HNRNPK: variants seen among roughly 807,000 people sequenced by gnomAD.
HNRNPK encodes dC-stretch binding protein.
Under a neutral mutation model 67.0 loss-of-function variants are expected in HNRNPK, and 7 were observed. The observed-to-expected ratio is 0.10, with a 90% CI of 0.06 to 0.20. The LOEUF is 0.20. HNRNPK is among the 10% of genes least tolerant of loss of function. HNRNPK has a pLI of 1.00. For synonymous variants in HNRNPK, 213 were observed against 193.7 expected, an observed-to-expected ratio of 1.10 and a Z score of -0.83; for missense variants, 264 against 606.5, an observed-to-expected ratio of 0.44 and a Z score of 5.93.
In HNRNPK at chr9:83,969,454, GAAAA is replaced by G. The variant is rs749772524; in HGVS notation, c.1362-18_1362-15del. On this transcript the variant is annotated splice_polypyrimidine_tract_variant and intron_variant, in intron 16 of 16. Coordinates refer to ENST00000376263, the MANE Select transcript of HNRNPK (RefSeq NM_031263.4). ...TACTGCTTCACACTATAAAAGAAAA[GAAAA>G]AAAAGTGCGAATTAGAATTTTTGCT... 1.3e-6 allele frequency: 2 copies of G among 1,548,166 alleles called. No homozygotes were observed. Among genetic ancestry groups the G allele is most frequent in the African/African-American group, 1.4e-5 (1 of 71,876 alleles).
chr9:83,977,821 G>A lies in HNRNPK; in HGVS notation c.59-35C>T, dbSNP rs370492810. On this transcript the variant is annotated intron_variant, in intron 3 of 16. Coordinates refer to ENST00000376263, the MANE Select transcript of HNRNPK (RefSeq NM_031263.4). The stretch of plus-strand genomic sequence containing the variant: ...AACAGTTCACATTTCAAAGAAAGCA[G>A]CGAAGTCTCCAAAGTAACTCCATTC... 9.8e-6 allele frequency: 13 copies of A among 1,321,376 alleles called. No homozygotes were observed. In the African/African-American group the frequency reaches 1.7e-4, roughly 18 times the overall value. 81.9% of individuals were successfully genotyped at this position (1,321,376 alleles called of 1,614,324 possible).
intron 4 of HNRNPK, among the ~76,000 whole-genome samples, chr9:83,977,281 G>A (rs1407791753): frequency 6.6e-6 from 1 of 152,184 alleles, no homozygotes; most frequent in Non-Finnish European, 1.5e-5. Flanking sequence ...ATAACACCAA[G>A]TATAAAATAA....
intron 10 of HNRNPK, chr9:83,972,415 C>G (rs1004617381): frequency 1.9e-6 from 1 of 538,776 alleles, no homozygotes; most frequent in Non-Finnish European, 3.3e-6. Context: ...ATTGCCTATA[C>G]AGGGAGAAGT....
chr9:83,974,932 A>G (rs766886777), intron 6 of HNRNPK, among the ~76,000 whole-genome samples: 1 of 152,224 alleles, frequency 6.6e-6, no homozygotes, highest in Admixed American at 6.5e-5. Flanking sequence ...TTACATTGGT[A>G]AAACTGGCAC....
rs774149530 is a variant in HNRNPK at position 83,971,681 on chromosome 9, G to A, written c.999C>T (p.Tyr333=). 1.7e-5 allele frequency: 27 copies of A among 1,613,450 alleles called. No homozygotes were observed. The highest frequency in any genetic ancestry group is 6.7e-5 in the East Asian group (3 of 44,888). The change falls in exon 12 of 17, where the codon TAC becomes TAT. Residue 333 remains tyrosine, a synonymous_variant. Transcript: ENST00000376263. ...YDRRGRPGDR[Y]DGMVGFSADE... The stretch of plus-strand genomic sequence containing the variant: ...AAACCAAAGTTCTTACCATGCCGTC[G>A]TAACGGTCTCCAGGTCTCCCTCTTC...
chr9:83,972,233 G>GTCCT, intron 10 of HNRNPK, 44 bp from the exon 11 acceptor site: 2 of 1,413,704 alleles, frequency 1.4e-6, no homozygotes, highest in Non-Finnish European at 1.9e-6. Context: ...AAGAAAAAGA[G>GTCCT]TCCTGCTTCA....
rs1428747827 is a variant in HNRNPK, at chr9:83,971,743, T to C, written c.954-17A>G. ...ATGAGGTCTCTGCAAGCATAGTACT[T>C]GTTGTAATCTAAACGTGCTTACATG... is the stretch of plus-strand genomic sequence containing the variant. On this transcript the variant is annotated splice_polypyrimidine_tract_variant and intron_variant, in intron 11 of 16. Transcript: ENST00000376263. The C allele has an allele frequency of 1.2e-6, 2 of 1,611,884 alleles. No individual in the cohort carries two copies. Among genetic ancestry groups the C allele is most frequent in the Non-Finnish European group, 1.7e-6 (2 of 1,178,138 alleles).
At position 83,978,382 on chromosome 9, in the gene HNRNPK, T is replaced by A; in HGVS notation, c.-37A>T. 1.4e-6 allele frequency: 2 copies of A among 1,478,752 alleles called. No homozygotes were observed. The highest frequency in any genetic ancestry group is 1.8e-6 in the Non-Finnish European group (2 of 1,122,450). 91.6% of individuals were successfully genotyped at this position (1,478,752 alleles called of 1,614,324 possible). A position where few individuals can be genotyped will look rare whatever the true frequency, so the allele number is the denominator to read the frequency against. ...TGCTTCTAGAACGTACCAGTTATTA[T>A]ATATCCTTGCAGAGCAGAACTGAAG... On this transcript the variant is annotated 5_prime_UTR_variant, in exon 2 of 17. Transcript: ENST00000376263.
rs1956868764 is a variant in HNRNPK, at chr9:83,972,004, T to C, written c.831A>G (p.Arg277=). The C allele has an allele frequency of 1.2e-6, 2 of 1,613,640 alleles. No individual in the cohort carries two copies. The highest frequency in any genetic ancestry group is 2.7e-5 in the African/African-American group (2 of 74,878). The change falls in exon 11 of 17, where the codon AGA becomes AGG. Residue 277 remains arginine (R), a synonymous_variant. Coordinates refer to ENST00000376263, the MANE Select transcript of HNRNPK (RefSeq NM_031263.4). ...GAGGGCTCATATCATCATAATCTCT[T>C]CTAGATGGAGGCATGGGACGCCCAC... ...GRGGRPMPPS[R]RDYDDMSPRR...
intron 5 of HNRNPK, among the ~76,000 whole-genome samples, chr9:83,976,152 CA>C (rs1368670921): frequency 2.0e-5 from 3 of 152,142 alleles, no homozygotes; most frequent in Non-Finnish European, 4.4e-5. Flanking sequence ...TAGATCCTAA[CA>C]GGCAAGTTTG....
intron 5 of HNRNPK, 83 bp downstream of exon 5, chr9:83,976,912 A>G: frequency 1.3e-6 from 1 of 760,510 alleles, no homozygotes; most frequent in Non-Finnish European, 2.2e-6. Context: ...CTATGAAATG[A>G]TTTCTAGGAT....
At position 83,976,889 on chromosome 9, in the gene HNRNPK, CT is replaced by C. The variant is rs1184662707; in HGVS notation, c.213+105del. The C allele has an allele frequency of 4.7e-6, 3 of 637,294 alleles. No homozygotes were observed. The African/African-American group carries it at 5.5e-5, about 12-fold the overall frequency. 39.5% of individuals were successfully genotyped at this position (637,294 alleles called of 1,614,324 possible). ...TGTAATAATAAATTATTACAAATGT[CT>C]TTGTAGCTAAACTATGAAATGATTT... On this transcript the variant is annotated intron_variant, in intron 5 of 16. Transcript: ENST00000376263.
intron 5 of HNRNPK, among the ~76,000 whole-genome samples, chr9:83,975,961 C>G (rs1245607439): frequency 6.6e-6 from 1 of 151,984 alleles, no homozygotes; most frequent in Non-Finnish European, 1.5e-5. Context: ...GACACAAAAC[C>G]TGACTCAAAG....
At chr9:83,978,017 G>A (rs1356463527) in intron 3 of HNRNPK, among the ~76,000 whole-genome samples, 178 bp downstream of exon 3, 1 of 152,074 alleles carries the variant, frequency 6.6e-6, no homozygotes, top group African/African-American at 2.4e-5. Context: ...TTCTTTATAT[G>A]CAAATCAGTT....
chr9:83,973,916 C>G lies in HNRNPK; in HGVS notation c.388G>C (p.Val130Leu). 3 of 1,613,552 alleles carry G rather than the reference C, an allele frequency of 1.9e-6. No individual in the cohort carries two copies. In the South Asian group the frequency reaches 3.3e-5, roughly 18 times the overall value. Residue 130 changes from valine to leucine, a missense_variant, in exon 8 of 17, where the codon GTG (valine) becomes CTG (leucine). Transcript: ENST00000376263. ...TSQLPLESDA[V>L]ECLNYQHYKG... ...CTATGACATACATTTAAGCATTCCACAGCATCAGATTCGAGCGGGAGCTGG... is the reference window on the plus strand; with the variant it reads ...CTATGACATACATTTAAGCATTCCAGAGCATCAGATTCGAGCGGGAGCTGG...
intron 4 of HNRNPK, 74 bp from the exon 5 acceptor site, chr9:83,977,125 T>C: frequency 5.5e-6 from 6 of 1,087,640 alleles, no homozygotes; most frequent in Non-Finnish European, 8.4e-6. Context: ...TCTTAGATTT[T>C]GCTAAAAAAT....
rs571751329 is a variant in HNRNPK, at chr9:83,974,114, G to T, written c.331-141C>A. The T allele has an allele frequency of 1.8e-5, 10 of 545,870 alleles. No individual in the cohort carries two copies. In the African/African-American group the frequency reaches 1.9e-4, roughly 11 times the overall value. 33.8% of individuals were successfully genotyped at this position (545,870 alleles called of 1,614,324 possible). A position where few individuals can be genotyped will look rare whatever the true frequency, so the allele number is the denominator to read the frequency against. On this transcript the variant is annotated intron_variant, in intron 7 of 16. Coordinates refer to ENST00000376263, the MANE Select transcript of HNRNPK (RefSeq NM_031263.4). ...AAACTGCTTTATTCAACATTAAGAC[G>T]ATTCAAAACATAAAATATTTTTCTC...
At chr9:83,978,331 TAAAAAA>T (rs55698797) in intron 2 of HNRNPK, 36 bp downstream of exon 2, 476 of 1,270,326 alleles carry the variant, frequency 3.7e-4, no homozygotes, top group South Asian at 6.9e-4. Context: ...AAGCAAGCTG[TAAAAAA>T]AAAAAAAAAA....
intron 10 of HNRNPK, 117 bp from the exon 11 acceptor site, chr9:83,972,306 A>C: frequency 1.3e-6 from 1 of 743,716 alleles, no homozygotes; most frequent in South Asian, 2.0e-5. Context: ...AGGAGGTACT[A>C]GAGACAGAAA....
Sources: allele counts gnomAD v4.1 joint callset (sites outside exome capture counted in the v4.1 genomes callset), GRCh38; gene constraint gnomAD v4.1.1; transcripts MANE v1.5; gene names NCBI Gene and HGNC (gene_info 2026-07-23, HGNC 2026-07-21).